RAI14: variants seen among roughly 807,000 people sequenced by gnomAD.
RAI14 encodes ankycorbin.
A neutral mutation model predicts 115.4 loss-of-function variants in RAI14; 45 were observed. The ratio of observed to expected loss-of-function variants is 0.39; its 90% confidence interval spans 0.31 to 0.50. RAI14 has a LOEUF of 0.50. Ranked by LOEUF, RAI14 falls within the 20% of genes least tolerant of loss-of-function variation. RAI14 has a pLI of 0.85. For synonymous variants in RAI14, 371 were observed against 415.4 expected (o/e 0.89, Z 1.30); for missense variants, 939 against 1,131.2 (o/e 0.83, Z 2.44).
intron 2 of RAI14, among the ~76,000 whole-genome samples, chr5:34,700,578 C>T (rs1739942556): frequency 6.6e-6 from 1 of 152,186 alleles, no homozygotes; most frequent in African/African-American, 2.4e-5. Context: ...ATCGTCAACA[C>T]CCTGTGGCCC....
At chr5:34,812,007 T>A in intron 9 of RAI14, 62 bp downstream of exon 9, 1 of 1,411,390 alleles carries the variant, frequency 7.1e-7, no homozygotes, top group Non-Finnish European at 9.8e-7. Context: ...CCCCAAAGGA[T>A]AAAGGAATGT....
At position 34,719,337 on chromosome 5, in the gene RAI14, C is replaced by T. The variant is rs1395461281; in HGVS notation, c.36+32382C>T. Among the ~76,000 whole-genome samples, 3 of 152,150 alleles carry T rather than the reference C, an allele frequency of 2.0e-5. No homozygotes were observed. The South Asian group carries it at 6.2e-4, about 32-fold the overall frequency. ...GAGCTAAACGGAAACCTCATCCATC[C>T]CCTGTCATGGTCTAGCCTTGGAAAT... On this transcript the variant is annotated intron_variant, in intron 2 of 17. Coordinates refer to ENST00000265109, the MANE Select transcript of RAI14 (RefSeq NM_015577.3).
At chr5:34,719,742 C>G (rs1742435612) in intron 2 of RAI14, among the ~76,000 whole-genome samples, 1 of 152,146 alleles carries the variant, frequency 6.6e-6, no homozygotes, top group African/African-American at 2.4e-5. Context: ...TTTTAGATGT[C>G]TGGTCAATGG....
intron 12 of RAI14, among the ~76,000 whole-genome samples, chr5:34,815,652 G>A (rs1014335971): frequency 2.0e-5 from 3 of 152,136 alleles, no homozygotes; most frequent in Non-Finnish European, 2.9e-5. Context: ...GGGGAGTGGT[G>A]GGAGGTATTG....
chr5:34,665,178 C>CATATATATATATATATATATATATAT (rs201354748), intron 1 of RAI14, among the ~76,000 whole-genome samples: 1 of 7,088 alleles, frequency 1.4e-4, no homozygotes, highest in Non-Finnish European at 3.1e-4. Flanking sequence ...TATATACACA[C>CATATATATATATATATATATATATAT]ATATATATAT....
chr5:34,805,650 G>T (rs1754795546), intron 5 of RAI14, among the ~76,000 whole-genome samples: 1 of 152,106 alleles, frequency 6.6e-6, no homozygotes, highest in Non-Finnish European at 1.5e-5. Context: ...GACCAGCCTG[G>T]CCAACATGGT....
chr5:34,794,117 A>C (rs1342549689), intron 3 of RAI14, among the ~76,000 whole-genome samples: 1 of 152,222 alleles, frequency 6.6e-6, no homozygotes, highest in Non-Finnish European at 1.5e-5. Context: ...TTGAATGAGG[A>C]ATTCCATTTA....
chr5:34,724,753 C>T (rs1348997093), intron 2 of RAI14, among the ~76,000 whole-genome samples: 1 of 152,178 alleles, frequency 6.6e-6, no homozygotes, highest in South Asian at 2.1e-4. Context: ...TGGGACTTTG[C>T]ACCACAATCC....
chr5:34,785,363 G>A (rs1232197526), intron 3 of RAI14, among the ~76,000 whole-genome samples: 1 of 152,030 alleles, frequency 6.6e-6, no homozygotes, highest in Non-Finnish European at 1.5e-5. Context: ...CCCGTTTCAT[G>A]CATCATATGT....
At chr5:34,771,273 G>T (rs375159784) in intron 3 of RAI14, among the ~76,000 whole-genome samples, 2 of 152,226 alleles carry the variant, frequency 1.3e-5, no homozygotes, top group Non-Finnish European at 2.9e-5. Flanking sequence ...GTAGGGTCGT[G>T]TATGGTCATT....
intron 3 of RAI14, among the ~76,000 whole-genome samples, chr5:34,776,664 G>A (rs1379336807): frequency 6.6e-6 from 1 of 151,920 alleles, no homozygotes; most frequent in Admixed American, 6.6e-5. Context: ...AAAATTAGAT[G>A]GGCATGGTAG....
intron 3 of RAI14, among the ~76,000 whole-genome samples, chr5:34,768,702 G>A (rs1162204536): frequency 2.6e-5 from 4 of 152,010 alleles, no homozygotes; most frequent in Non-Finnish European, 4.4e-5. Context: ...GTTAAATGTC[G>A]TGGGCCCCGG....
At chr5:34,697,520 T>C (rs1340318510) in intron 2 of RAI14, among the ~76,000 whole-genome samples, 1 of 152,138 alleles carries the variant, frequency 6.6e-6, no homozygotes, top group African/African-American at 2.4e-5. Flanking sequence ...CCAGTCAGGC[T>C]TTTCCTTTTA....
chr5:34,683,870 G>T (rs1351178397), intron 1 of RAI14, among the ~76,000 whole-genome samples: 2 of 152,150 alleles, frequency 1.3e-5, no homozygotes, highest in African/African-American at 4.8e-5. Context: ...TGGGACTACA[G>T]GCGCCCGCCA....
chr5:34,780,248 T>C (rs572346762), intron 3 of RAI14, among the ~76,000 whole-genome samples: 2 of 152,260 alleles, frequency 1.3e-5, no homozygotes, highest in East Asian at 3.9e-4. Context: ...ACTTAAATGT[T>C]AGACCTAAAA....
At chr5:34,766,464 T>A (rs1248790205) in intron 3 of RAI14, among the ~76,000 whole-genome samples, 1 of 152,158 alleles carries the variant, frequency 6.6e-6, no homozygotes, top group African/African-American at 2.4e-5. Flanking sequence ...GCTTTAAAAT[T>A]TGATTGCCCC....
chr5:34,800,576 T>C (rs964721968), intron 4 of RAI14, among the ~76,000 whole-genome samples: 4 of 152,234 alleles, frequency 2.6e-5, no homozygotes, highest in South Asian at 2.1e-4. Flanking sequence ...TTCAGTGTTA[T>C]AGTGTTCAGG....
In RAI14 at chr5:34,692,396, C is replaced by G. The variant is rs116209237; in HGVS notation, c.36+5441C>G. Reference sequence around the variant, plus strand: ...CAATTGCTCACTCCTCCTTTCGTCACCACACATACATGCACATACACACAA... The same window carrying G: ...CAATTGCTCACTCCTCCTTTCGTCAGCACACATACATGCACATACACACAA... On this transcript the variant is annotated intron_variant, in intron 2 of 17. Coordinates refer to ENST00000265109, the MANE Select transcript of RAI14 (RefSeq NM_015577.3). Among the ~76,000 whole-genome samples the G allele has an allele frequency of 8.8e-3, 1,333 of 152,186 alleles. 9 individuals carry two copies. The highest frequency in any genetic ancestry group is 0.015 in the Non-Finnish European group (987 of 68,022).
chr5:34,810,979 G>C, intron 7 of RAI14, 33 bp from the exon 8 acceptor site: 2 of 1,607,730 alleles, frequency 1.2e-6, no homozygotes, highest in Non-Finnish European at 1.7e-6. Flanking sequence ...TTTTGTGCCT[G>C]AGGTAAAATC....
Sources: allele counts gnomAD v4.1 joint callset (sites outside exome capture counted in the v4.1 genomes callset), GRCh38; gene constraint gnomAD v4.1.1; transcripts MANE v1.5; gene names NCBI Gene and HGNC (gene_info 2026-07-23, HGNC 2026-07-21).